NCK2: variants seen among roughly 807,000 people sequenced by gnomAD.
NCK2 encodes the protein cytoplasmic protein NCK2.
NCK2 carries 16 observed loss-of-function variants against 33.9 expected under a neutral mutation model. The ratio of observed to expected loss-of-function variants is 0.47; its 90% CI spans 0.32 to 0.72. NCK2 has a LOEUF of 0.72. NCK2 is among the 30% of genes least tolerant of loss of function. The probability of loss-of-function intolerance (pLI) is 0.03; values close to 1 mark genes in which losing one functional copy is unlikely to be tolerated. For synonymous variants in NCK2, 273 were observed against 239.9 expected, an observed-to-expected ratio of 1.14 and a Z score of -1.27; for missense variants, 418 against 537.3, an observed-to-expected ratio of 0.78 and a Z score of 2.19.
In NCK2 at chr2:105,838,310, G is replaced by T. The variant is rs1371306561; in HGVS notation, c.-16-16738G>T. ...TTAAATGCTGGAATTTTATTAAAAT[G>T]TTTTTTTTTTTTTGGCCAGGTAACT... On this transcript the variant is annotated intron_variant, in intron 2 of 4. Coordinates refer to ENST00000233154, the MANE Select transcript of NCK2 (RefSeq NM_003581.5). 3.3e-4 allele frequency among the ~76,000 whole-genome samples: 47 copies of T among 140,962 alleles called. 1 individual carries two copies. The highest frequency in any genetic ancestry group is 2.5e-3 in the Admixed American group (36 of 14,298). The allele number at this position is 140,962 out of a possible 152,430, so 92.5% of individuals were successfully genotyped here.
At chr2:105,797,606 TC>T (rs1199495044) in intron 1 of NCK2, among the ~76,000 whole-genome samples, 1 of 152,112 alleles carries the variant, frequency 6.6e-6, no homozygotes, top group Non-Finnish European at 1.5e-5. Context: ...CTGGTTGGAG[TC>T]CCTGTGTGGC....
chr2:105,754,678 C>CCT (rs1176179172), intron 1 of NCK2, among the ~76,000 whole-genome samples: 71 of 133,946 alleles, frequency 5.3e-4, no homozygotes, highest in African/African-American at 2.0e-3. Flanking sequence ...CCCCCAACAA[C>CCT]TTTTTTTTTT....
At chr2:105,856,114 G>A (rs1197192747) in intron 3 of NCK2, among the ~76,000 whole-genome samples, 1 of 151,788 alleles carries the variant, frequency 6.6e-6, no homozygotes, top group Non-Finnish European at 1.5e-5. Flanking sequence ...GATTACAGGC[G>A]TGAGCCACCG....
At chr2:105,886,586 T>TTG (rs1678730283) in intron 4 of NCK2, among the ~76,000 whole-genome samples, 2 of 152,226 alleles carry the variant, frequency 1.3e-5, no homozygotes, top group Non-Finnish European at 2.9e-5. Flanking sequence ...AACCACTACG[T>TTG]TGTGGAGTAT....
At chr2:105,753,707 T>C (rs1171582304) in intron 1 of NCK2, among the ~76,000 whole-genome samples, 1 of 152,230 alleles carries the variant, frequency 6.6e-6, no homozygotes, top group Non-Finnish European at 1.5e-5. Flanking sequence ...CCATTTTTGC[T>C]GCTTCTGTTT....
chr2:105,855,082 G>C lies in NCK2; in HGVS notation c.19G>C (p.Val7Leu), dbSNP rs769339535. 6 of 1,614,058 alleles carry C rather than the reference G, an allele frequency of 3.7e-6. No individual in the cohort carries two copies. The highest frequency in any genetic ancestry group is 1.3e-5 in the African/African-American group (1 of 74,920). ...ATGAAAGATGACAGAAGAAGTTATT[G>C]TGATAGCCAAGTGGGACTACACCGC... MTEEVI[V>L]IAKWDYTAQQ... The change falls in exon 3 of 5, where the codon GTG becomes CTG. Residue 7 changes from valine (V) to leucine (L), a missense_variant. Transcript: ENST00000233154.
At chr2:105,834,823 TG>T (rs1197730406) in intron 2 of NCK2, among the ~76,000 whole-genome samples, 4 of 152,098 alleles carry the variant, frequency 2.6e-5, no homozygotes, top group African/African-American at 9.6e-5. Flanking sequence ...GGTAGATGTG[TG>T]CTACCATGTC....
chr2:105,851,387 C>T (rs1424102000), intron 2 of NCK2, among the ~76,000 whole-genome samples: 1 of 152,136 alleles, frequency 6.6e-6, no homozygotes, highest in Non-Finnish European at 1.5e-5. Flanking sequence ...CCTCAGCCTC[C>T]GGAGTAGCTG....
chr2:105,757,297 C>T (rs973171176), intron 1 of NCK2, among the ~76,000 whole-genome samples: 1 of 152,164 alleles, frequency 6.6e-6, no homozygotes, highest in Non-Finnish European at 1.5e-5. Flanking sequence ...CTTTCACAAC[C>T]TTTTATAGCC....
intron 3 of NCK2, among the ~76,000 whole-genome samples, chr2:105,866,175 A>T (rs1405360746): frequency 6.6e-6 from 1 of 152,174 alleles, no homozygotes; most frequent in Admixed American, 6.5e-5. Flanking sequence ...TGGCCTCCCA[A>T]AGTGCCGGGA....
intron 1 of NCK2, among the ~76,000 whole-genome samples, chr2:105,795,223 G>GCATTCCAT: frequency 6.6e-6 from 1 of 152,070 alleles, no homozygotes; most frequent in South Asian, 2.1e-4. Context: ...GCATTCCATG[G>GCATTCCAT]GTTTGGACAA....
intron 1 of NCK2, among the ~76,000 whole-genome samples, chr2:105,801,356 T>C (rs1344164725): frequency 6.6e-6 from 1 of 151,998 alleles, no homozygotes; most frequent in Admixed American, 6.5e-5. Flanking sequence ...TCACTCGGCT[T>C]GCCTCCCCCC....
At chr2:105,755,698 C>A (rs1035576385) in intron 1 of NCK2, among the ~76,000 whole-genome samples, 1 of 151,346 alleles carries the variant, frequency 6.6e-6, no homozygotes, top group Non-Finnish European at 1.5e-5. Context: ...TCATTGAGAC[C>A]CGAACCCATG....
intron 1 of NCK2, among the ~76,000 whole-genome samples, chr2:105,752,140 C>A (rs1031679339): frequency 6.6e-6 from 1 of 152,124 alleles, no homozygotes; most frequent in African/African-American, 2.4e-5. Context: ...TGGCCACACG[C>A]GACTAGTGGC....
chr2:105,876,729 G>A (rs1334308206), intron 3 of NCK2, among the ~76,000 whole-genome samples: 2 of 152,236 alleles, frequency 1.3e-5, no homozygotes, highest in Admixed American at 1.3e-4. Flanking sequence ...ACTGGAAGCA[G>A]TAGGTGGTTT....
chr2:105,798,981 G>A lies in NCK2; in HGVS notation c.-200-17449G>A, dbSNP rs150781274. The stretch of plus-strand genomic sequence containing the variant: ...GATATCTTAGTATCATTTTAGTGAA[G>A]TTCAGATGTCCCTTTTCATCAGTTT... On this transcript the variant is annotated intron_variant, in intron 1 of 4. Coordinates refer to ENST00000233154, the MANE Select transcript of NCK2 (RefSeq NM_003581.5). Among the ~76,000 whole-genome samples the A allele has an allele frequency of 7.4e-3, 1,121 of 152,138 alleles. 10 individuals are homozygous for A. The highest frequency in any genetic ancestry group is 0.012 in the Non-Finnish European group (785 of 67,964).
chr2:105,839,319 A>G (rs1474633692), intron 2 of NCK2, among the ~76,000 whole-genome samples: 1 of 152,178 alleles, frequency 6.6e-6, no homozygotes, highest in Non-Finnish European at 1.5e-5. Flanking sequence ...AAGTTCCCCA[A>G]AGCGAGTGCC....
At chr2:105,876,211 C>G (rs1678229236) in intron 3 of NCK2, among the ~76,000 whole-genome samples, 1 of 152,208 alleles carries the variant, frequency 6.6e-6, no homozygotes, top group South Asian at 2.1e-4. Context: ...CAGGTAAATT[C>G]TGTGCAGTAG....
intron 2 of NCK2, among the ~76,000 whole-genome samples, chr2:105,834,848 T>C (rs1676331618): frequency 6.6e-6 from 1 of 151,988 alleles, no homozygotes; most frequent in Non-Finnish European, 1.5e-5. Flanking sequence ...CTAAATTTTA[T>C]TTTTATTTTT....
Sources: allele counts gnomAD v4.1 joint callset (sites outside exome capture counted in the v4.1 genomes callset), GRCh38; gene constraint gnomAD v4.1.1; transcripts MANE v1.5; gene names NCBI Gene and HGNC (gene_info 2026-07-23, HGNC 2026-07-21).